RGL1: variants seen among roughly 807,000 people sequenced by gnomAD.
The protein encoded by RGL1 is ral guanine nucleotide dissociation stimulator like 1.
In RGL1, 24 loss-of-function variants were observed where a neutral mutation model predicts 95.2. That is an observed-to-expected ratio of 0.25 (90% confidence interval 0.18 to 0.35). The LOEUF (loss-of-function observed/expected upper bound fraction) is 0.35. Ranked by LOEUF, RGL1 falls within the 10% of genes least tolerant of loss-of-function variation. RGL1 has a pLI of 1.00. For synonymous variants in RGL1, 329 were observed against 344.9 expected (o/e 0.95, Z 0.51); for missense variants, 715 against 936.3 (o/e 0.76, Z 3.08).
At chr1:183,801,993 T>C (rs1229143209), upstream of RGL1, among the ~76,000 whole-genome samples, 1 of 152,196 alleles carries the variant, frequency 6.6e-6, no homozygotes, top group East Asian at 1.9e-4. Context: ...AATTTCAACA[T>C]AAGATTATGA....
chr1:183,649,870 G>A (rs1033443595), intron 1 of RGL1, among the ~76,000 whole-genome samples: 1 of 152,170 alleles, frequency 6.6e-6, no homozygotes, highest in African/African-American at 2.4e-5. Context: ...GCAGTGCAGT[G>A]AGATGATCAT....
At chr1:183,693,536 T>C (rs1654081043) in intron 1 of RGL1, among the ~76,000 whole-genome samples, 1 of 151,556 alleles carries the variant, frequency 6.6e-6, no homozygotes, top group East Asian at 1.9e-4. Context: ...TCTTTCTTTC[T>C]TAAGTTCATG....
chr1:183,647,708 A>G (rs1650393730), intron 1 of RGL1: 9 of 1,602,980 alleles, frequency 5.6e-6, no homozygotes, highest in African/African-American at 1.3e-5. Context: ...TCTTCTTTTC[A>G]TCTGCCTCCT....
chr1:183,904,955 C>A lies in RGL1; in HGVS notation c.1456C>A (p.Leu486Met), dbSNP rs2102708381. The A allele has an allele frequency of 6.2e-7, 1 of 1,613,168 alleles. No homozygotes were observed. The highest frequency in any genetic ancestry group is 8.5e-7 in the Non-Finnish European group (1 of 1,179,702). The stretch of plus-strand genomic sequence containing the variant: ...CCAGTGGTTCCAGAGGCAGCAGCTC[C>A]TGACAGAGGAGGAGAGGTGGGATCA... ...FIQWFQRQQL[L>M]TEEESYALSC... The change falls in exon 13 of 18, where the codon CTG becomes ATG. Residue 486 changes from leucine (L) to methionine (M), a missense_variant. Physicochemically the swap from Leu to Met is conservative, Grantham distance 15. This residue lies in a region of RGL1 where 330 missense variants were observed against 429.6 expected (regional missense o/e 0.77). Transcript: ENST00000360851.
At chr1:183,667,601 C>T (rs531793391) in intron 1 of RGL1, among the ~76,000 whole-genome samples, 5 of 152,278 alleles carry the variant, frequency 3.3e-5, no homozygotes, top group African/African-American at 1.2e-4. Context: ...GCTGGGATTA[C>T]AGGTGTGAGC....
At chr1:183,772,583 G>A (rs959501797) in intron 2 of RGL1, among the ~76,000 whole-genome samples, 1 of 152,192 alleles carries the variant, frequency 6.6e-6, no homozygotes, top group Non-Finnish European at 1.5e-5. Flanking sequence ...TGGCATCTGA[G>A]AAAGTTACCT....
chr1:183,752,295 G>T (rs1658052017), intron 2 of RGL1, among the ~76,000 whole-genome samples: 1 of 151,098 alleles, frequency 6.6e-6, no homozygotes, highest in Non-Finnish European at 1.5e-5. Context: ...GGCACAATTT[G>T]GGCTCACTGC....
At chr1:183,869,171 G>C (rs1217558632) in intron 4 of RGL1, among the ~76,000 whole-genome samples, 1 of 152,092 alleles carries the variant, frequency 6.6e-6, no homozygotes, top group Non-Finnish European at 1.5e-5. Flanking sequence ...TGTCCCATGA[G>C]GTGTTTTGAG....
chr1:183,823,962 AT>A (rs200924918), intron 2 of RGL1, among the ~76,000 whole-genome samples: 2 of 150,682 alleles, frequency 1.3e-5, no homozygotes, highest in Non-Finnish European at 3.0e-5. Context: ...AATTCTTTTA[AT>A]TTTTTTTTAG....
chr1:183,862,016 T>G (rs1665539026), intron 3 of RGL1, among the ~76,000 whole-genome samples: 1 of 152,220 alleles, frequency 6.6e-6, no homozygotes, highest in Admixed American at 6.5e-5. Flanking sequence ...GTTTCTTTTC[T>G]GTAAAGCAGT....
chr1:183,766,879 A>G (rs981424666), intron 2 of RGL1, among the ~76,000 whole-genome samples: 15 of 152,162 alleles, frequency 9.9e-5, no homozygotes, highest in Non-Finnish European at 1.6e-4. Context: ...ATGGGAAACC[A>G]AATGGCTATC....
At chr1:183,749,040 T>C (rs192820193) in intron 2 of RGL1, among the ~76,000 whole-genome samples, 201 of 152,354 alleles carry the variant, frequency 1.3e-3, no homozygotes, top group Admixed American at 4.1e-3. Context: ...TTACTTCCAA[T>C]TATGTCGTCA....
At chr1:183,786,921 G>A (rs1365801458) in intron 2 of RGL1, among the ~76,000 whole-genome samples, 1 of 152,164 alleles carries the variant, frequency 6.6e-6, no homozygotes, top group East Asian at 1.9e-4. Context: ...AAATTGAAAA[G>A]TGACAGAAAA....
intron 1 of RGL1, among the ~76,000 whole-genome samples, chr1:183,726,634 A>T (rs1656328111): frequency 6.6e-6 from 1 of 152,194 alleles, no homozygotes; most frequent in Non-Finnish European, 1.5e-5. Context: ...AAATCTTTCC[A>T]TAAAAAAATG....
intron 1 of RGL1, among the ~76,000 whole-genome samples, chr1:183,680,539 T>TCTGTTTTGGTACCGGTACCATG (rs1345349638): frequency 1.9e-4 from 29 of 152,262 alleles, no homozygotes; most frequent in Non-Finnish European, 4.0e-4. Context: ...GGTCTATATA[T>TCTGTTTTGGTACCGGTACCATG]CTGTTTTGGT....
intron 4 of RGL1, among the ~76,000 whole-genome samples, chr1:183,879,450 T>C (rs1396004987): frequency 6.6e-6 from 1 of 152,218 alleles, no homozygotes; most frequent in Non-Finnish European, 1.5e-5. Flanking sequence ...AACAATTTCT[T>C]TGAAGTATAA....
At position 183,912,143 on chromosome 1, in the gene RGL1, A is replaced by T. The variant is rs139895288; in HGVS notation, c.1624A>T (p.Thr542Ser). 2 of 1,613,966 alleles carry T rather than the reference A, an allele frequency of 1.2e-6. No homozygotes were observed. The highest frequency in any genetic ancestry group is 2.7e-5 in the African/African-American group (2 of 74,910). ...TCCCACCAAAGAGCAGCCCAAGTCCACTGCCAGCGGGAGCTCTGGTGAAAG... is the reference window on the plus strand; with the variant it reads ...TCCCACCAAAGAGCAGCCCAAGTCCTCTGCCAGCGGGAGCTCTGGTGAAAG... ...PTPTKEQPKS[T>S]ASGSSGESMD... The change falls in exon 15 of 18, where the codon ACT becomes TCT. Residue 542 changes from threonine to serine, a missense_variant. This residue lies in a region of RGL1 where 330 missense variants were observed against 429.6 expected (regional missense o/e 0.77). Coordinates refer to ENST00000360851, the MANE Select transcript of RGL1 (RefSeq NM_001297671.3).
chr1:183,897,524 T>G (rs2102687190), intron 9 of RGL1, among the ~76,000 whole-genome samples: 3 of 150,254 alleles, frequency 2.0e-5, no homozygotes, highest in Middle Eastern at 6.9e-3. Context: ...ACTCCAGCCT[T>G]CCCAGCAGAG....
At chr1:183,848,933 A>C (rs760741953) in intron 3 of RGL1, among the ~76,000 whole-genome samples, 3 of 152,174 alleles carry the variant, frequency 2.0e-5, no homozygotes, top group Non-Finnish European at 4.4e-5. Flanking sequence ...TTTTGGGTGT[A>C]TAGAAAGTAT....
Sources: gnomAD v4.1 joint callset for allele counts (sites outside exome capture counted in the v4.1 genomes callset) on GRCh38, gnomAD v4.1.1 for gene constraint, gnomAD v4.1.1 regional missense constraint, MANE v1.5 for transcripts, NCBI Gene and HGNC (gene_info 2026-07-23, HGNC 2026-07-21) for gene names.